The following VCAN variants were observed in gnomAD, a reference collection of about 807,000 sequenced individuals.
The protein encoded by VCAN is versican core protein.
Under a neutral mutation model 245.5 loss-of-function variants are expected in VCAN, and 44 were observed. The ratio of observed to expected loss-of-function variants is 0.18; its 90% CI spans 0.14 to 0.23. The LOEUF (loss-of-function observed/expected upper bound fraction) is 0.23. VCAN is among the 10% of genes least tolerant of loss of function. The pLI, the probability that VCAN is intolerant of heterozygous loss-of-function variation, is 1.00. For synonymous variants in VCAN, 1,413 were observed against 1,437.0 expected, an observed-to-expected ratio of 0.98 and a Z score of 0.38; for missense variants, 3,793 against 4,057.9, an observed-to-expected ratio of 0.93 and a Z score of 1.77.
At position 83,539,648 on chromosome 5, in the gene VCAN, T is replaced by C; in HGVS notation, c.6645T>C (p.Ser2215=). ...TAGCTACTGCATTAGTAACTGAATCTATACCAGCTGAACATGTAGTCACAG... is the reference window on the plus strand; with the variant it reads ...TAGCTACTGCATTAGTAACTGAATCCATACCAGCTGAACATGTAGTCACAG... ...FFLATALVTE[S]IPAEHVVTDS... The change falls in exon 8 of 15, where the codon TCT becomes TCC. Residue 2215 remains serine (S), a synonymous_variant. Transcript: ENST00000265077. 6.2e-7 allele frequency: 1 copy of C among 1,613,966 alleles called. No individual in the cohort carries two copies. The highest frequency in any genetic ancestry group is 8.5e-7 in the Non-Finnish European group (1 of 1,179,980).
At position 83,522,061 on chromosome 5, in the gene VCAN, G is replaced by A. The variant is rs1746128671; in HGVS notation, c.3755G>A (p.Gly1252Glu). The change falls in exon 7 of 15, where the codon GGA (glycine) becomes GAA (glutamate). Residue 1252 changes from glycine (G) to glutamate (E), a missense_variant. By Grantham distance (98) the Gly-to-Glu change is moderately conservative (BLOSUM62 -2). This residue lies in a region of VCAN where 3,182 missense variants were observed against 3,250.3 expected (regional missense o/e 0.98). Transcript: ENST00000265077. ...EETTSDMVII[G>E]ESTSHVPPTT... ...ACAACCAGTGACATGGTAATCATTG[G>A]AGAATCAACATCTCATGTTCCTCCC... 1 of 1,614,206 alleles carries A rather than the reference G, an allele frequency of 6.2e-7. No homozygotes were observed. The highest frequency in any genetic ancestry group is 2.2e-5 in the East Asian group (1 of 44,878).
intron 12 of VCAN, among the ~76,000 whole-genome samples, chr5:83,555,518 C>T (rs565796566): frequency 7.9e-5 from 12 of 152,278 alleles, no homozygotes; most frequent in African/African-American, 2.4e-4. Context: ...TTGTGAATTT[C>T]TGCCAACTAA....
At chr5:83,495,700 A>G (rs1340269419) in intron 5 of VCAN, among the ~76,000 whole-genome samples, 1 of 152,222 alleles carries the variant, frequency 6.6e-6, no homozygotes, top group Non-Finnish European at 1.5e-5. Flanking sequence ...TATAAACAAT[A>G]TCTGAAATGC....
chr5:83,526,463 AG>A (rs897464340), intron 7 of VCAN, among the ~76,000 whole-genome samples: 52 of 152,102 alleles, frequency 3.4e-4, no homozygotes, highest in African/African-American at 1.2e-3. Flanking sequence ...TTAATGTTTG[AG>A]GGGGACATCG....
Position 83,521,627 on chromosome 5 carries a change from T to C in VCAN, c.3321T>C (p.Gly1107=). 1 of 1,613,880 alleles carries C rather than the reference T, an allele frequency of 6.2e-7. No homozygotes were observed. Among genetic ancestry groups the C allele is most frequent in the South Asian group, 1.1e-5 (1 of 91,078 alleles). Reference sequence around the variant, plus strand: ...ATCACAGTGTGTCTTATCCACCAGGTGCTGTAACTGAGCACAAAGTGAAAA... The same window carrying C: ...ATCACAGTGTGTCTTATCCACCAGGCGCTGTAACTGAGCACAAAGTGAAAA... ...KIDHSVSYPP[G]AVTEHKVKTD... Residue 1107 remains glycine, a synonymous_variant, in exon 7 of 15, where the codon GGT becomes GGC. Transcript: ENST00000265077.
intron 7 of VCAN, among the ~76,000 whole-genome samples, chr5:83,531,742 G>A (rs186693272): frequency 6.6e-6 from 1 of 152,198 alleles, no homozygotes; most frequent in Admixed American, 6.5e-5. Context: ...TCTGGTAACA[G>A]TATGACTGGA....
chr5:83,527,864 G>C (rs62362557), intron 7 of VCAN, among the ~76,000 whole-genome samples: 2,449 of 152,252 alleles, frequency 0.016, 27 homozygotes, highest in Middle Eastern at 0.054. Context: ...TGCCTATTCT[G>C]AAAATGGCAC....
chr5:83,564,096 G>A (rs552818511), intron 12 of VCAN, among the ~76,000 whole-genome samples: 2 of 152,266 alleles, frequency 1.3e-5, no homozygotes, highest in South Asian at 2.1e-4. Flanking sequence ...GTAAATACTG[G>A]TTCACCGAGG....
In VCAN at chr5:83,490,378, G is replaced by T. The variant is rs771989444; in HGVS notation, c.351G>T (p.Val117=). Residue 117 remains valine, a synonymous_variant, in exon 3 of 15, where the codon GTG becomes GTT. Coordinates refer to ENST00000265077, the MANE Select transcript of VCAN (RefSeq NM_004385.5). ...PEAVGDASLT[V]VKLLASDAGL... Reference sequence around the variant, plus strand: ...CTGTGGGCGATGCCTCCCTCACTGTGGTCAAGCTGCTGGCAAGTGATGCGG... The same window carrying T: ...CTGTGGGCGATGCCTCCCTCACTGTTGTCAAGCTGCTGGCAAGTGATGCGG... 6.2e-7 allele frequency: 1 copy of T among 1,614,208 alleles called. No homozygotes were observed. The highest frequency in any genetic ancestry group is 2.2e-5 in the East Asian group (1 of 44,880).
intron 6 of VCAN, among the ~76,000 whole-genome samples, chr5:83,513,438 TAC>T (rs1218597189): frequency 6.6e-6 from 1 of 152,202 alleles, no homozygotes; most frequent in African/African-American, 2.4e-5. Flanking sequence ...CAACCAAAAA[TAC>T]ACAGACTGTG....
chr5:83,565,390 GGTGTGTGTGTGTGTGTGTGT>G (rs6149088), intron 12 of VCAN, among the ~76,000 whole-genome samples: 2 of 149,130 alleles, frequency 1.3e-5, no homozygotes, highest in Non-Finnish European at 3.0e-5. Flanking sequence ...TATGTGTAAG[GGTGTGTGTGTGTGTGTGTGT>G]GTGTGTGTGT....
At chr5:83,546,137 C>A (rs1332800359) in intron 9 of VCAN, among the ~76,000 whole-genome samples, 1 of 152,020 alleles carries the variant, frequency 6.6e-6, no homozygotes, top group African/African-American at 2.4e-5. Flanking sequence ...GTGCCTCGGC[C>A]TCAGGGAGCT....
chr5:83,556,094 T>C (rs1157324642), intron 12 of VCAN, among the ~76,000 whole-genome samples: 1 of 152,200 alleles, frequency 6.6e-6, no homozygotes, highest in Non-Finnish European at 1.5e-5. Context: ...GAGAAGCTGC[T>C]CCATCATGGA....
chr5:83,485,946 A>T (rs1744778771), intron 2 of VCAN, among the ~76,000 whole-genome samples: 1 of 152,046 alleles, frequency 6.6e-6, no homozygotes, highest in African/African-American at 2.4e-5. Flanking sequence ...CAAACATTTT[A>T]AAAAATTAGC....
chr5:83,577,232 GT>G (rs1319455862), intron 13 of VCAN, among the ~76,000 whole-genome samples: 1 of 152,038 alleles, frequency 6.6e-6, no homozygotes, highest in Non-Finnish European at 1.5e-5. Flanking sequence ...CAATTTTATC[GT>G]GAGTTCCTCA....
intron 12 of VCAN, among the ~76,000 whole-genome samples, chr5:83,560,266 A>G (rs918533267): frequency 1.3e-5 from 2 of 152,172 alleles, no homozygotes; most frequent in Admixed American, 1.3e-4. Context: ...CAATTACTCA[A>G]AACTTTGGAG....
In VCAN at chr5:83,519,546, G is replaced by A. The variant is rs749795455; in HGVS notation, c.1240G>A (p.Ala414Thr). ...FEQKATVQPQAITDSLATKLP... is the reference protein window; with the variant it reads ...FEQKATVQPQTITDSLATKLP... The stretch of plus-strand genomic sequence containing the variant: ...ACAGAAAGCCACAGTCCAACCTCAG[G>A]CTATCACAGATAGTTTAGCCACCAA... The change falls in exon 7 of 15, where the codon GCT becomes ACT. Residue 414 changes from alanine to threonine, a missense_variant. Coordinates refer to ENST00000265077, the MANE Select transcript of VCAN (RefSeq NM_004385.5). The A allele has an allele frequency of 6.0e-5, 97 of 1,613,984 alleles. No homozygotes were observed. Among genetic ancestry groups the A allele is most frequent in the Non-Finnish European group, 7.5e-5 (88 of 1,179,986 alleles).
At position 83,541,761 on chromosome 5, in the gene VCAN, C is replaced by A. The variant is rs760541340; in HGVS notation, c.8758C>A (p.Leu2920Ile). 6.2e-7 allele frequency: 1 copy of A among 1,614,060 alleles called. No homozygotes were observed. The highest frequency in any genetic ancestry group is 2.2e-5 in the East Asian group (1 of 44,868). Reference protein sequence around the residue: ...LEEMEASPTELIAVEGTEILQ... With the variant: ...LEEMEASPTEIIAVEGTEILQ... The stretch of plus-strand genomic sequence containing the variant: ...AGAAATGGAAGCTTCTCCCACAGAA[C>A]TTATTGCTGTGGAAGGAACTGAGAT... Residue 2920 changes from leucine to isoleucine, a missense_variant, in exon 8 of 15, where the codon CTT (leucine) becomes ATT (isoleucine). Leu to Ile is a conservative substitution (Grantham distance 5). Transcript: ENST00000265077.
Position 83,471,978 on chromosome 5 carries a change from G to A in VCAN, c.-52G>A, listed in dbSNP as rs1483861414. On this transcript the variant is annotated 5_prime_UTR_variant, in exon 1 of 15. Transcript: ENST00000265077. ...GCAACGCCGAACCCAGTCGCGCAGCGCTGCAGTGAATTTTCCCCCCAAACT... is the reference window on the plus strand; with the variant it reads ...GCAACGCCGAACCCAGTCGCGCAGCACTGCAGTGAATTTTCCCCCCAAACT... The A allele has an allele frequency of 1.5e-5, 6 of 387,168 alleles. No individual in the cohort carries two copies. The highest frequency in any genetic ancestry group is 2.7e-5 in the Non-Finnish European group (6 of 219,544). 24.0% of individuals were successfully genotyped at this position (387,168 alleles called of 1,614,324 possible).
Sources: gnomAD v4.1 joint callset for allele counts (sites outside exome capture counted in the v4.1 genomes callset) on GRCh38, gnomAD v4.1.1 for gene constraint, gnomAD v4.1.1 regional missense constraint, MANE v1.5 for transcripts, NCBI Gene and HGNC (gene_info 2026-07-23, HGNC 2026-07-21) for gene names.